The following NRXN3 variants were observed in gnomAD, a reference collection of about 807,000 sequenced individuals.
NRXN3 encodes neurexin III.
NRXN3 carries 32 observed loss-of-function variants against 137.6 expected under a neutral mutation model. The observed-to-expected ratio is 0.23, with a 90% CI of 0.18 to 0.31. The LOEUF is 0.31. NRXN3 is among the 10% of genes least tolerant of loss of function. The pLI is 1.00. For missense variants in NRXN3, 1,574 were observed against 2,062.5 expected (o/e 0.76, Z 4.59); for synonymous variants, 798 against 784.5 (o/e 1.02, Z -0.29).
chr14:78,211,988 T>C (rs1390954146), intron 1 of NRXN3, among the ~76,000 whole-genome samples: 3 of 152,134 alleles, frequency 2.0e-5, no homozygotes, highest in South Asian at 2.1e-4. Flanking sequence ...CTTTAGAAAG[T>C]ATGGGAGCTT....
chr14:79,324,858 G>A (rs1454850390), intron 15 of NRXN3, among the ~76,000 whole-genome samples: 13 of 152,116 alleles, frequency 8.5e-5, no homozygotes, highest in Non-Finnish European at 1.0e-4. Context: ...TCATATGTGT[G>A]TGTATTATAT....
chr14:78,496,736 T>C (rs545554753), intron 4 of NRXN3, among the ~76,000 whole-genome samples: 21 of 151,966 alleles, frequency 1.4e-4, no homozygotes, highest in African/African-American at 4.3e-4. Context: ...AGTAGGAGGA[T>C]AGGTGAATCC....
intron 4 of NRXN3, among the ~76,000 whole-genome samples, chr14:78,405,614 G>A (rs1360292788): frequency 5.8e-5 from 2 of 34,522 alleles, no homozygotes; most frequent in Admixed American, 2.2e-4. Context: ...GGGAAGGGGC[G>A]GGGGGGTTCC....
At chr14:78,879,215 G>T (rs927666677) in intron 10 of NRXN3, among the ~76,000 whole-genome samples, 6 of 152,032 alleles carry the variant, frequency 3.9e-5, no homozygotes, top group Non-Finnish European at 7.4e-5. Context: ...TTTTCCTTTG[G>T]ATATATACCC....
chr14:78,499,740 A>G (rs1400835237), intron 4 of NRXN3, among the ~76,000 whole-genome samples: 1 of 152,100 alleles, frequency 6.6e-6, no homozygotes, highest in African/African-American at 2.4e-5. Flanking sequence ...TGTAAGCACA[A>G]CTTCATTCCT....
At chr14:79,251,996 A>G (rs1224430139) in intron 15 of NRXN3, among the ~76,000 whole-genome samples, 1 of 151,932 alleles carries the variant, frequency 6.6e-6, no homozygotes, top group Admixed American at 6.6e-5. Flanking sequence ...TATTTTTTGT[A>G]GAAATAAGGT....
intron 15 of NRXN3, among the ~76,000 whole-genome samples, chr14:79,403,297 C>A (rs1294532405): frequency 1.3e-5 from 2 of 152,030 alleles, no homozygotes; most frequent in East Asian, 1.9e-4. Flanking sequence ...TGAGGACATG[C>A]CTTTCCCAAA....
intron 15 of NRXN3, among the ~76,000 whole-genome samples, chr14:79,038,165 G>A (rs1461858864): frequency 6.6e-6 from 1 of 151,908 alleles, no homozygotes; most frequent in Non-Finnish European, 1.5e-5. Context: ...TTGAATACAG[G>A]GAACATTACT....
intron 1 of NRXN3, among the ~76,000 whole-genome samples, chr14:78,173,381 A>G (rs1378857789): frequency 2.6e-5 from 4 of 151,816 alleles, no homozygotes; most frequent in East Asian, 1.9e-4. Flanking sequence ...AAACTGAGAT[A>G]CAGAAATCCA....
chr14:78,935,570 G>A (rs1037511948), intron 10 of NRXN3, among the ~76,000 whole-genome samples: 2 of 152,140 alleles, frequency 1.3e-5, no homozygotes, highest in South Asian at 2.1e-4. Flanking sequence ...AGTTGTTACT[G>A]TTTCGAGAAT....
At chr14:78,982,193 AG>A (rs1430652837) in intron 14 of NRXN3, among the ~76,000 whole-genome samples, 1 of 152,236 alleles carries the variant, frequency 6.6e-6, no homozygotes, top group Non-Finnish European at 1.5e-5. Context: ...AATTTTTACA[AG>A]AACCATTTTG....
intron 15 of NRXN3, among the ~76,000 whole-genome samples, chr14:79,217,295 A>T (rs1369358597): frequency 6.6e-6 from 1 of 152,166 alleles, no homozygotes; most frequent in Non-Finnish European, 1.5e-5. Flanking sequence ...AGCACATCAC[A>T]TGACGAGAGC....
At chr14:79,150,183 A>G (rs2059673146) in intron 15 of NRXN3, among the ~76,000 whole-genome samples, 1 of 152,064 alleles carries the variant, frequency 6.6e-6, no homozygotes, top group South Asian at 2.1e-4. Flanking sequence ...GTATATGGAC[A>G]CTTCTGAATT....
intron 19 of NRXN3, among the ~76,000 whole-genome samples, chr14:79,799,169 C>T (rs1015656561): frequency 3.3e-5 from 5 of 152,118 alleles, no homozygotes; most frequent in African/African-American, 1.2e-4. Flanking sequence ...TATTATAATA[C>T]CTATCTTTAG....
At chr14:79,691,790 G>A (rs1800450610) in intron 17 of NRXN3, among the ~76,000 whole-genome samples, 1 of 151,992 alleles carries the variant, frequency 6.6e-6, no homozygotes, top group African/African-American at 2.4e-5. Flanking sequence ...CGAGGGTCCC[G>A]TCTCACATGT....
At chr14:79,191,833 T>C (rs965764720) in intron 15 of NRXN3, among the ~76,000 whole-genome samples, 2 of 152,182 alleles carry the variant, frequency 1.3e-5, no homozygotes, top group Non-Finnish European at 2.9e-5. Context: ...TAATAGTACA[T>C]ATTGATATTC....
chr14:78,811,211 C>A (rs897205169), intron 10 of NRXN3, among the ~76,000 whole-genome samples: 1 of 152,160 alleles, frequency 6.6e-6, no homozygotes, highest in Non-Finnish European at 1.5e-5. Context: ...AATGGCTCAA[C>A]AAAAGAAGGT....
chr14:79,191,517 T>C (rs989758387), intron 15 of NRXN3, among the ~76,000 whole-genome samples: 1 of 152,198 alleles, frequency 6.6e-6, no homozygotes, highest in South Asian at 2.1e-4. Context: ...CCCACTTACA[T>C]TGGGGTCTTG....
At chr14:78,974,137 A>T (rs1486236917) in intron 14 of NRXN3, among the ~76,000 whole-genome samples, 1 of 152,184 alleles carries the variant, frequency 6.6e-6, no homozygotes, top group Non-Finnish European at 1.5e-5. Flanking sequence ...GTTTCAAAGT[A>T]TAGAGGGCCC....
Sources: gnomAD v4.1 joint callset for allele counts (sites outside exome capture counted in the v4.1 genomes callset) on GRCh38, gnomAD v4.1.1 for gene constraint, MANE v1.5 for transcripts, NCBI Gene and HGNC (gene_info 2026-07-23, HGNC 2026-07-21) for gene names.